Variants in C1orf105 observed in about 807,000 individuals in gnomAD.
C1orf105 encodes the protein chromosome 1 open reading frame 105, also known as uncharacterized protein C1orf105.
Under a neutral mutation model 20.8 loss-of-function variants are expected in C1orf105, and 17 were observed. That is an observed-to-expected ratio of 0.82 (90% confidence interval 0.56 to 1.23). The LOEUF is 1.23. Ranked by LOEUF, C1orf105 falls within the 50% of genes most tolerant of loss-of-function variation. The probability of loss-of-function intolerance (pLI) is 0.00; values close to 1 mark genes in which losing one functional copy is unlikely to be tolerated. For synonymous variants in C1orf105, 72 were observed against 72.1 expected, an observed-to-expected ratio of 1.00 and a Z score of 0.01; for missense variants, 219 against 213.5, an observed-to-expected ratio of 1.03 and a Z score of -0.16.
At chr1:172,448,989 C>T (rs1383737160) in intron 3 of C1orf105, among the ~76,000 whole-genome samples, 1 of 152,198 alleles carries the variant, frequency 6.6e-6, no homozygotes, top group Non-Finnish European at 1.5e-5. Flanking sequence ...GTGGAGCAAG[C>T]ACACAGGCTA....
Position 172,468,602 on chromosome 1 carries a change from G to A in C1orf105, c.*8G>A, listed in dbSNP as rs78023289. On this transcript the variant is annotated 3_prime_UTR_variant, in exon 7 of 7. Transcript: ENST00000367727. Reference sequence around the variant, plus strand: ...AAGACAACGAGGCAGTGAGCGGTAGGAGCTCATCACCTCCCAGACTCCCAG... The same window carrying A: ...AAGACAACGAGGCAGTGAGCGGTAGAAGCTCATCACCTCCCAGACTCCCAG... The A allele has an allele frequency of 2.5e-6, 4 of 1,611,716 alleles. No homozygotes were observed. The highest frequency in any genetic ancestry group is 2.2e-5 in the East Asian group (1 of 44,864).
At chr1:172,430,449 T>A in intron 1 of C1orf105, 1 of 595,988 alleles carries the variant, frequency 1.7e-6, no homozygotes, top group Non-Finnish European at 3.0e-6. Flanking sequence ...AACCTTTTTT[T>A]ATTTATTTTT....
chr1:172,439,031 A>C (rs2072130953), intron 1 of C1orf105, among the ~76,000 whole-genome samples: 1 of 152,216 alleles, frequency 6.6e-6, no homozygotes, highest in Non-Finnish European at 1.5e-5. Context: ...TGTAAGCATA[A>C]ATTTTATACA....
At chr1:172,442,922 C>A in intron 1 of C1orf105, 1 of 297,070 alleles carries the variant, frequency 3.4e-6, no homozygotes, top group Non-Finnish European at 6.7e-6. Flanking sequence ...TACTAAAAGT[C>A]TGAGAAAAAT....
At chr1:172,431,666 G>A (rs1031512625) in intron 1 of C1orf105, among the ~76,000 whole-genome samples, 1 of 152,224 alleles carries the variant, frequency 6.6e-6, no homozygotes, top group Non-Finnish European at 1.5e-5. Context: ...AGCTCCCGGC[G>A]TGATCGATGC....
intron 6 of C1orf105, among the ~76,000 whole-genome samples, chr1:172,466,511 A>G (rs573931695): frequency 6.6e-6 from 1 of 151,848 alleles, no homozygotes; most frequent in Non-Finnish European, 1.5e-5. Context: ...CCACACACTC[A>G]TTCTGCGTTT....
chr1:172,461,230 G>T (rs1037998570), intron 4 of C1orf105, among the ~76,000 whole-genome samples: 2 of 152,316 alleles, frequency 1.3e-5, no homozygotes, highest in African/African-American at 4.8e-5. Context: ...AGAACAAGCT[G>T]AGTAAACATA....
At chr1:172,465,182 C>A in intron 5 of C1orf105, 117 bp from the exon 6 acceptor site, 1 of 380,548 alleles carries the variant, frequency 2.6e-6, no homozygotes, top group Non-Finnish European at 4.1e-6. Context: ...AAAACTCCAT[C>A]TCAATAATAA....
chr1:172,430,214 T>G, intron 1 of C1orf105: 1 of 639,412 alleles, frequency 1.6e-6, no homozygotes, highest in Non-Finnish European at 2.8e-6. Flanking sequence ...TATAAGAGAC[T>G]GACTAGATCA....
chr1:172,451,086 T>C (rs1052263346), intron 3 of C1orf105: 2 of 152,346 alleles, frequency 1.3e-5, no homozygotes, highest in Admixed American at 1.3e-4. Flanking sequence ...AAAAGGTGAC[T>C]GACTCAGTGA....
intron 1 of C1orf105, among the ~76,000 whole-genome samples, chr1:172,425,278 C>A (rs1234594538): frequency 6.6e-6 from 1 of 152,184 alleles, no homozygotes; most frequent in African/African-American, 2.4e-5. Flanking sequence ...ACTTGTGGTG[C>A]TGAGCACATG....
intron 1 of C1orf105, among the ~76,000 whole-genome samples, chr1:172,428,402 C>T (rs887400403): frequency 5.3e-5 from 8 of 152,198 alleles, no homozygotes; most frequent in African/African-American, 1.9e-4. Context: ...AAGCTAGTAG[C>T]TTACAATGTC....
intron 1 of C1orf105, among the ~76,000 whole-genome samples, chr1:172,428,098 A>G (rs539023610): frequency 2.0e-5 from 3 of 152,278 alleles, no homozygotes; most frequent in East Asian, 3.9e-4. Flanking sequence ...TGTTCAGGGG[A>G]AAAACCTTAA....
intron 5 of C1orf105, among the ~76,000 whole-genome samples, chr1:172,463,136 T>C (rs575204167): frequency 6.6e-6 from 1 of 152,344 alleles, no homozygotes; most frequent in Non-Finnish European, 1.5e-5. Flanking sequence ...AGAAGGACTC[T>C]GTTTTTACTT....
At chr1:172,457,137 C>G (rs1649336674) in intron 4 of C1orf105, among the ~76,000 whole-genome samples, 1 of 152,138 alleles carries the variant, frequency 6.6e-6, no homozygotes, top group African/African-American at 2.4e-5. Flanking sequence ...AGGAAGGATG[C>G]TAGACTAGGC....
intron 1 of C1orf105, among the ~76,000 whole-genome samples, chr1:172,436,625 A>C (rs2072048248): frequency 6.6e-6 from 1 of 152,262 alleles, no homozygotes; most frequent in African/African-American, 2.4e-5. Flanking sequence ...GTTAGATCTA[A>C]AACCATAAAA....
At chr1:172,427,162 C>T (rs2071744080) in intron 1 of C1orf105, among the ~76,000 whole-genome samples, 1 of 152,202 alleles carries the variant, frequency 6.6e-6, no homozygotes, top group Admixed American at 6.5e-5. Context: ...TCCTTGCCTC[C>T]AACTTCCCTG....
chr1:172,427,549 CCCACA>C (rs1361796559), intron 1 of C1orf105, among the ~76,000 whole-genome samples: 2 of 152,184 alleles, frequency 1.3e-5, no homozygotes, highest in African/African-American at 4.8e-5. Flanking sequence ...TTCTCTTAAA[CCCACA>C]CCAAACAGGT....
At chr1:172,449,799 G>A (rs757335266) in intron 3 of C1orf105, among the ~76,000 whole-genome samples, 4 of 152,228 alleles carry the variant, frequency 2.6e-5, no homozygotes, top group Middle Eastern at 3.2e-3. Context: ...TGGGGGATGA[G>A]CGGGGAGGCA....
Sources: allele counts gnomAD v4.1 joint callset (sites outside exome capture counted in the v4.1 genomes callset), GRCh38; gene constraint gnomAD v4.1.1; transcripts MANE v1.5; gene names NCBI Gene and HGNC (gene_info 2026-07-23, HGNC 2026-07-21).